Variants in KCNC4 observed in about 807,000 individuals in gnomAD.
The protein encoded by KCNC4 is voltage-gated potassium channel KCNC4.
In KCNC4, 23 loss-of-function variants were observed where a neutral mutation model predicts 42.8. The ratio of observed to expected loss-of-function variants is 0.54; its 90% CI spans 0.39 to 0.76. The LOEUF (loss-of-function observed/expected upper bound fraction) is 0.76. Among genes scored for constraint, KCNC4 ranks in the 30% least tolerant of loss-of-function variants. The pLI, the probability that KCNC4 is intolerant of heterozygous loss-of-function variation, is 0.00. For missense variants in KCNC4, 751 were observed against 898.2 expected, an observed-to-expected ratio of 0.84 and a Z score of 2.10; for synonymous variants, 422 against 393.5, an observed-to-expected ratio of 1.07 and a Z score of -0.86.
Position 110,212,054 on chromosome 1 carries a change from C to G in KCNC4, c.555C>G (p.Ala185=). 6.4e-7 allele frequency: 1 copy of G among 1,565,984 alleles called. No individual in the cohort carries two copies. The highest frequency in any genetic ancestry group is 8.6e-7 in the Non-Finnish European group (1 of 1,159,620). Residue 185 remains alanine (A), a synonymous_variant, in exon 1 of 4, where the codon GCC becomes GCG. Coordinates refer to ENST00000438661, the MANE Select transcript of KCNC4 (RefSeq NM_001039574.3). The part of the protein sequence containing the change: ...DEAGDDEREL[A]LQRLGPHEGG... ...CCGGCGACGATGAGCGGGAGCTGGC[C>G]CTGCAGCGACTGGGCCCCCACGAGG...
At chr1:110,236,205 G>C (rs1278923479), downstream of KCNC4, 1 of 152,216 alleles carries the variant, frequency 6.6e-6, no homozygotes, top group Non-Finnish European at 1.5e-5. Flanking sequence ...TGAGTGCTGG[G>C]CAGTACATTT....
chr1:110,220,691 G>A (rs1360731019), intron 1 of KCNC4: 2 of 152,206 alleles, frequency 1.3e-5, no homozygotes, highest in Non-Finnish European at 2.9e-5. Context: ...GAGAGAGGGT[G>A]GTGCCAGGAC....
At chr1:110,269,901 C>T (rs1307465420) in intron 1 of KCNC4, among the ~76,000 whole-genome samples, 1 of 152,174 alleles carries the variant, frequency 6.6e-6, no homozygotes, top group Admixed American at 6.5e-5. Flanking sequence ...AGATGTGTTA[C>T]ATGGCACTTT....
At chr1:110,266,770 C>T (rs1049665499) in intron 1 of KCNC4, among the ~76,000 whole-genome samples, 5 of 152,144 alleles carry the variant, frequency 3.3e-5, no homozygotes, top group Non-Finnish European at 7.4e-5. Flanking sequence ...CCCCTTAAGT[C>T]TTGGCATCTG....
Position 110,212,186 on chromosome 1 carries a change from C to T in KCNC4, c.678+9C>T, listed in dbSNP as rs1311558433. ...CCTCCCGGGCCGCTAGGGTGAGTGG[C>T]AGGAGCCCGTGTCTCCCCATCTTGG... On this transcript the variant is annotated intron_variant, in intron 1 of 3. Coordinates refer to ENST00000438661, the MANE Select transcript of KCNC4 (RefSeq NM_001039574.3). 2.0e-6 allele frequency: 3 copies of T among 1,473,812 alleles called. No individual in the cohort carries two copies. The highest frequency in any genetic ancestry group is 2.7e-6 in the Non-Finnish European group (3 of 1,128,768). 91.3% of individuals were successfully genotyped at this position (1,473,812 alleles called of 1,614,324 possible). A position where few individuals can be genotyped will look rare whatever the true frequency, so the allele number is the denominator to read the frequency against.
At chr1:110,264,722 A>G (rs1285178315) in intron 1 of KCNC4, among the ~76,000 whole-genome samples, 1 of 152,084 alleles carries the variant, frequency 6.6e-6, no homozygotes, top group Non-Finnish European at 1.5e-5. Flanking sequence ...GGAACTCAAG[A>G]TTTTTCTTTA....
chr1:110,214,507 C>A (rs1475190580), intron 1 of KCNC4, among the ~76,000 whole-genome samples: 1 of 152,192 alleles, frequency 6.6e-6, no homozygotes, highest in East Asian at 1.9e-4. Flanking sequence ...TTGAGCACCC[C>A]AGACAGATAC....
chr1:110,273,000 T>G (rs1297265710), intron 1 of KCNC4, among the ~76,000 whole-genome samples: 1 of 152,216 alleles, frequency 6.6e-6, no homozygotes, highest in Non-Finnish European at 1.5e-5. Flanking sequence ...GTGGTGTCTA[T>G]GTAAATCTCC....
At chr1:110,268,610 G>GAAAAAAAAAAAA (rs1177241176) in intron 1 of KCNC4, among the ~76,000 whole-genome samples, 3 of 81,964 alleles carry the variant, frequency 3.7e-5, no homozygotes, top group African/African-American at 1.4e-4. Context: ...TGTCTCAAAA[G>GAAAAAAAAAAAA]AAAAAAAAAA....
chr1:110,261,490 T>C (rs1164929687), intron 1 of KCNC4, among the ~76,000 whole-genome samples: 1 of 152,186 alleles, frequency 6.6e-6, no homozygotes, highest in Admixed American at 6.5e-5. Context: ...CTACATTTTG[T>C]TGAAATACGA....
chr1:110,219,668 C>T (rs1657985691), intron 1 of KCNC4: 1 of 152,158 alleles, frequency 6.6e-6, no homozygotes, highest in Non-Finnish European at 1.5e-5. Flanking sequence ...TTGCTGCAAC[C>T]ACCTCTTCTT....
intron 1 of KCNC4, among the ~76,000 whole-genome samples, chr1:110,269,389 T>G (rs949483095): frequency 6.6e-6 from 1 of 152,152 alleles, no homozygotes; most frequent in Non-Finnish European, 1.5e-5. Context: ...TTTATTTTTC[T>G]CCCCTCTGGT....
At chr1:110,270,891 T>G (rs1311857804) in intron 1 of KCNC4, among the ~76,000 whole-genome samples, 1 of 152,178 alleles carries the variant, frequency 6.6e-6, no homozygotes, top group Non-Finnish European at 1.5e-5. Flanking sequence ...AGGTACACAT[T>G]CCAGGACATT....
In KCNC4 at chr1:110,211,775, C is replaced by T. The variant is rs1322902311; in HGVS notation, c.276C>T (p.Cys92=). The T allele has an allele frequency of 1.2e-6, 2 of 1,610,648 alleles. No homozygotes were observed. The highest frequency in any genetic ancestry group is 1.1e-5 in the South Asian group (1 of 90,976). ...GSSGSSGGGG[C]EFFFDRHPGV... is the part of the protein sequence containing the mutation. ...GCGGCAGCAGCGGCGGCGGGGGCTGCGAGTTCTTCTTCGACAGGCACCCGG... is the reference window on the plus strand; with the variant it reads ...GCGGCAGCAGCGGCGGCGGGGGCTGTGAGTTCTTCTTCGACAGGCACCCGG... Residue 92 remains cysteine (C), a synonymous_variant, in exon 1 of 4, where the codon TGC becomes TGT. Transcript: ENST00000438661. The surrounding 1 kb of genome is among the most constrained non-coding windows in gnomAD (Gnocchi z 6.5).
chr1:110,249,366 G>GTGAAGAAAC (rs1466924675), downstream of KCNC4, among the ~76,000 whole-genome samples: 17 of 152,224 alleles, frequency 1.1e-4, no homozygotes, highest in East Asian at 7.7e-4. Flanking sequence ...GTAACTGAGG[G>GTGAAGAAAC]TGAAAGTTGC....
chr1:110,214,744 C>T (rs573165261), intron 1 of KCNC4, among the ~76,000 whole-genome samples: 1 of 152,310 alleles, frequency 6.6e-6, no homozygotes, highest in African/African-American at 2.4e-5. Flanking sequence ...GTTTTTGAGG[C>T]AGAGAGCTTG....
At chr1:110,232,166 G>T in intron 3 of KCNC4, 1 of 1,571,890 alleles carries the variant, frequency 6.4e-7, no homozygotes, top group Non-Finnish European at 8.7e-7. Context: ...AGGGCTCTCT[G>T]AGGGGTTGGG....
intron 1 of KCNC4, among the ~76,000 whole-genome samples, chr1:110,263,036 T>C (rs1027325096): frequency 6.6e-6 from 1 of 152,208 alleles, no homozygotes; most frequent in Non-Finnish European, 1.5e-5. Flanking sequence ...TGGTGTCTGT[T>C]TCATGACCTG....
intron 1 of KCNC4, among the ~76,000 whole-genome samples, chr1:110,277,196 G>C (rs1659741207): frequency 6.6e-6 from 1 of 152,216 alleles, no homozygotes; most frequent in African/African-American, 2.4e-5. Context: ...AAAATGTTCA[G>C]GGCCAGCCAA....
Sources: gnomAD v4.1 joint callset for allele counts (sites outside exome capture counted in the v4.1 genomes callset) on GRCh38, gnomAD v4.1.1 for gene constraint, Gnocchi (gnomAD v3.1) non-coding constraint, MANE v1.5 for transcripts, NCBI Gene and HGNC (gene_info 2026-07-23, HGNC 2026-07-21) for gene names.